The following UFSP2 variants were observed in gnomAD, a reference collection of about 807,000 sequenced individuals.
The protein encoded by UFSP2 is UFM1 specific peptidase 2.
UFSP2 carries 43 observed loss-of-function variants against 60.2 expected under a neutral mutation model. The observed-to-expected ratio is 0.71, with a 90% CI of 0.56 to 0.92. The LOEUF is 0.92. Ranked by LOEUF, UFSP2 falls within the 40% of genes least tolerant of loss-of-function variation. The probability of loss-of-function intolerance (pLI) is 0.00; values close to 1 mark genes in which losing one functional copy is unlikely to be tolerated. For synonymous variants in UFSP2, 183 were observed against 195.1 expected (o/e 0.94, Z 0.52); for missense variants, 520 against 575.0 (o/e 0.90, Z 0.98).
rs531366062 is a variant in UFSP2, at chr4:185,402,361, GA to G, written c.1323+1132del. ...TTCCAAATGCTGTGAAAGAGAAAAG[GA>G]AAAAAAAACACTTAAAACTGTAACA... On this transcript the variant is annotated intron_variant, in intron 11 of 11. Coordinates refer to ENST00000264689, the MANE Select transcript of UFSP2 (RefSeq NM_018359.5). The G allele has an allele frequency of 4.2e-5, 18 of 429,566 alleles. No homozygotes were observed. The East Asian group carries it at 1.0e-3, about 24-fold the overall frequency. 26.6% of individuals were successfully genotyped at this position (429,566 alleles called of 1,614,324 possible).
intron 2 of UFSP2, among the ~76,000 whole-genome samples, chr4:185,421,832 T>C (rs1211302013): frequency 2.0e-5 from 3 of 152,192 alleles, no homozygotes; most frequent in Non-Finnish European, 4.4e-5. Flanking sequence ...GTGTTAACTA[T>C]CACCCTTCAG....
At chr4:185,403,666 C>G in intron 10 of UFSP2, 48 bp from the exon 11 acceptor site, 1 of 1,592,512 alleles carries the variant, frequency 6.3e-7, no homozygotes, top group Non-Finnish European at 8.5e-7. Flanking sequence ...AAACAAATGT[C>G]AAATGCCTAT....
chr4:185,402,684 C>T (rs971429031), intron 11 of UFSP2, among the ~76,000 whole-genome samples: 1 of 152,188 alleles, frequency 6.6e-6, no homozygotes, highest in Admixed American at 6.5e-5. Context: ...CCATGTTGGC[C>T]AGGCTGGTCT....
At chr4:185,403,339 T>C (rs562203233) in intron 11 of UFSP2, among the ~76,000 whole-genome samples, 155 bp downstream of exon 11, 6 of 152,346 alleles carry the variant, frequency 3.9e-5, no homozygotes, top group African/African-American at 1.4e-4. Flanking sequence ...GCACATTCCC[T>C]ATACAGAGAC....
At chr4:185,422,299 G>A (rs2095550844) in intron 2 of UFSP2, among the ~76,000 whole-genome samples, 186 bp downstream of exon 2, 1 of 152,230 alleles carries the variant, frequency 6.6e-6, no homozygotes, top group African/African-American at 2.4e-5. Context: ...TTGCACAGAG[G>A]TGCGCCATGG....
At chr4:185,416,410 T>A (rs546191529) in intron 4 of UFSP2, among the ~76,000 whole-genome samples, 1 of 152,292 alleles carries the variant, frequency 6.6e-6, no homozygotes, top group Admixed American at 6.5e-5. Context: ...ATAACTATAA[T>A]CAAATACTGA....
At chr4:185,417,674 G>A (rs1289946857) in intron 4 of UFSP2, among the ~76,000 whole-genome samples, 1 of 152,136 alleles carries the variant, frequency 6.6e-6, no homozygotes, top group South Asian at 2.1e-4. Flanking sequence ...CCTTGAAGAC[G>A]CATCTCCATT....
rs1298364881 is a variant in UFSP2, at chr4:185,408,916, G to A, written c.832-481C>T. 1.3e-5 allele frequency among the ~76,000 whole-genome samples: 2 copies of A among 151,920 alleles called. 1 individual carries two copies. The highest frequency in any genetic ancestry group is 4.8e-5 in the African/African-American group (2 of 41,328). On this transcript the variant is annotated intron_variant, in intron 7 of 11. Coordinates refer to ENST00000264689, the MANE Select transcript of UFSP2 (RefSeq NM_018359.5). ...ACCCCCTGCCTCACCTGTCATCTCT[G>A]TCCTCTTTATGTTTTTATTTTTCAA...
chr4:185,407,177 A>G (rs1161623871), intron 9 of UFSP2, among the ~76,000 whole-genome samples: 1 of 150,902 alleles, frequency 6.6e-6, no homozygotes, highest in Non-Finnish European at 1.5e-5. Flanking sequence ...CAGCCTCCCA[A>G]GTAGCTGGGA....
chr4:185,423,149 G>A (rs749734572), intron 1 of UFSP2, among the ~76,000 whole-genome samples: 13 of 152,276 alleles, frequency 8.5e-5, no homozygotes, highest in South Asian at 4.1e-4. Context: ...GTGAGCCACC[G>A]CGCCCAGCTG....
rs763882551 is a variant in UFSP2, at chr4:185,400,050, G to A, written c.*342C>T. ...TGGGTTATGAAGAAGTCTGAAGAAC[G>A]CCTTCATTTCATGCAAATCTATAAG... On this transcript the variant is annotated 3_prime_UTR_variant, in exon 12 of 12. Transcript: ENST00000264689. The A allele has an allele frequency of 1.2e-5, 18 of 1,553,898 alleles. No homozygotes were observed. Among genetic ancestry groups the A allele is most frequent in the South Asian group, 9.2e-5 (8 of 87,012 alleles).
intron 1 of UFSP2, among the ~76,000 whole-genome samples, chr4:185,425,649 A>C (rs2095558466): frequency 6.6e-6 from 1 of 152,242 alleles, no homozygotes; most frequent in African/African-American, 2.4e-5. Flanking sequence ...TGCGTGTCCA[A>C]GGTGGCCGAG....
chr4:185,401,621 T>G (rs1331525920), intron 11 of UFSP2, among the ~76,000 whole-genome samples: 1 of 152,180 alleles, frequency 6.6e-6, no homozygotes, highest in Non-Finnish European at 1.5e-5. Flanking sequence ...GAGATGGAAC[T>G]CTCCTCTGGC....
chr4:185,415,613 G>A (rs1356599300), intron 5 of UFSP2, 97 bp downstream of exon 5: 4 of 1,141,824 alleles, frequency 3.5e-6, no homozygotes, highest in Non-Finnish European at 3.7e-6. Flanking sequence ...TAAACAAGGA[G>A]AAAATCACAC....
Position 185,400,178 on chromosome 4 carries a change from A to G in UFSP2, c.*214T>C. 2.7e-6 allele frequency: 2 copies of G among 736,260 alleles called. No homozygotes were observed. The highest frequency in any genetic ancestry group is 4.4e-6 in the Non-Finnish European group (2 of 454,512). The allele number at this position is 736,260 out of a possible 1,614,324, so 45.6% of individuals were successfully genotyped here. On this transcript the variant is annotated 3_prime_UTR_variant, in exon 12 of 12. Transcript: ENST00000264689. ...TCCATTTAAGAACACATGTATTTACATGCCTATAATATGCTGGTTGTGTAT... is the reference window on the plus strand; with the variant it reads ...TCCATTTAAGAACACATGTATTTACGTGCCTATAATATGCTGGTTGTGTAT...
intron 7 of UFSP2, among the ~76,000 whole-genome samples, chr4:185,408,871 A>C (rs1355569085): frequency 1.3e-5 from 2 of 151,792 alleles, no homozygotes; most frequent in Non-Finnish European, 2.9e-5. Flanking sequence ...CAAACGGCCC[A>C]CTCATTCTCT....
intron 4 of UFSP2, among the ~76,000 whole-genome samples, 168 bp downstream of exon 4, chr4:185,418,273 C>T (rs2095542809): frequency 6.6e-6 from 1 of 152,030 alleles, no homozygotes; most frequent in South Asian, 2.1e-4. Flanking sequence ...CAGACAAAAA[C>T]TTAGATAAGT....
rs781661776 is a variant in UFSP2 at position 185,403,652 on chromosome 4, G to A, written c.1199-34C>T. 2.5e-6 allele frequency: 4 copies of A among 1,595,246 alleles called. No individual in the cohort carries two copies. The Admixed American group carries it at 5.5e-5, about 22-fold the overall frequency. On this transcript the variant is annotated intron_variant, in intron 10 of 11. Coordinates refer to ENST00000264689, the MANE Select transcript of UFSP2 (RefSeq NM_018359.5). ...GAAAAAATAGGAAATACGAATGAAG[G>A]CATAAACAAATGTCAAATGCCTATT...
chr4:185,408,222 G>C (rs1176626736), intron 8 of UFSP2, 49 bp downstream of exon 8: 1 of 1,587,856 alleles, frequency 6.3e-7, no homozygotes, highest in East Asian at 2.2e-5. Context: ...TATATTAAGG[G>C]CTAATGAAAC....
Sources: gnomAD v4.1 joint callset for allele counts (sites outside exome capture counted in the v4.1 genomes callset) on GRCh38, gnomAD v4.1.1 for gene constraint, MANE v1.5 for transcripts, NCBI Gene and HGNC (gene_info 2026-07-23, HGNC 2026-07-21) for gene names.